CCDC62: variants seen among roughly 807,000 people sequenced by gnomAD.
The protein encoded by CCDC62 is coiled-coil domain-containing protein 62.
A neutral mutation model predicts 80.8 loss-of-function variants in CCDC62; 72 were observed. The observed-to-expected ratio is 0.89, with a 90% confidence interval of 0.74 to 1.08. The LOEUF is 1.08. CCDC62 is among the 50% of genes least tolerant of loss of function. The probability of loss-of-function intolerance (pLI) is 0.00; values close to 1 mark genes in which losing one functional copy is unlikely to be tolerated. For missense variants in CCDC62, 704 were observed against 809.4 expected (o/e 0.87, Z 1.58); for synonymous variants, 286 against 296.5 (o/e 0.96, Z 0.36).
At chr12:122,816,496 C>T (rs1593833776) in intron 11 of CCDC62, among the ~76,000 whole-genome samples, 1 of 152,148 alleles carries the variant, frequency 6.6e-6, no homozygotes, top group Non-Finnish European at 1.5e-5. Flanking sequence ...GAGGCCAAAG[C>T]AGATGGATCA....
intron 2 of CCDC62, among the ~76,000 whole-genome samples, chr12:122,779,592 C>A (rs1201216066): frequency 6.6e-6 from 1 of 152,132 alleles, no homozygotes; most frequent in Non-Finnish European, 1.5e-5. Flanking sequence ...TCTCAAGAAA[C>A]TCTTGAAAAT....
At chr12:122,778,985 G>A (rs539729296) in intron 2 of CCDC62, among the ~76,000 whole-genome samples, 9 of 152,314 alleles carry the variant, frequency 5.9e-5, no homozygotes, top group African/African-American at 1.7e-4. Flanking sequence ...TACACACAGT[G>A]TTTAAAATGG....
intron 11 of CCDC62, among the ~76,000 whole-genome samples, chr12:122,817,780 C>CTG (rs143924355): frequency 2.6e-5 from 4 of 152,034 alleles, no homozygotes; most frequent in South Asian, 4.1e-4. Flanking sequence ...TAGTGTAGCT[C>CTG]TGTGTGTGTG....
In CCDC62 at chr12:122,774,651, C is replaced by CG; in HGVS notation, c.-15dup. 1 of 1,247,952 alleles carries CG rather than the reference C, an allele frequency of 8.0e-7. No homozygotes were observed. Among genetic ancestry groups the CG allele is most frequent in the Non-Finnish European group, 1.0e-6 (1 of 987,150 alleles). 77.3% of individuals were successfully genotyped at this position (1,247,952 alleles called of 1,614,324 possible). A position where few individuals can be genotyped will look rare whatever the true frequency, so the allele number is the denominator to read the frequency against. ...TGACGCCGCCCACACCGGGCTTCTC[C>CG]GGGGGCGGAGGAAACACCTATGAAC... On this transcript the variant is annotated 5_prime_UTR_variant, in exon 1 of 13. Coordinates refer to ENST00000253079, the MANE Select transcript of CCDC62 (RefSeq NM_201435.5).
rs2032421125 is a variant in CCDC62 at position 122,821,992 on chromosome 12, GC to G, written c.2002-1373del. Among the ~76,000 whole-genome samples, 8 of 149,992 alleles carry G rather than the reference GC, an allele frequency of 5.3e-5. 1 individual carries two copies. In the Admixed American group the frequency reaches 5.4e-4, roughly 10 times the overall value. On this transcript the variant is annotated intron_variant, in intron 11 of 12. Coordinates refer to ENST00000253079, the MANE Select transcript of CCDC62 (RefSeq NM_201435.5). ...ACCTGTAATCCTAGCCCTTTGGGAGGCTGAGGCAGGAGGATCACGTGAAGCC... is the reference window on the plus strand; with the variant it reads ...ACCTGTAATCCTAGCCCTTTGGGAGGTGAGGCAGGAGGATCACGTGAAGCC...
intron 2 of CCDC62, 72 bp downstream of exon 2, chr12:122,777,755 A>C: frequency 7.1e-7 from 1 of 1,418,086 alleles, no homozygotes; most frequent in Non-Finnish European, 9.8e-7. Context: ...CATAGGGAAG[A>C]TAGAGAGGAA....
At chr12:122,821,470 G>A (rs184972606) in intron 11 of CCDC62, among the ~76,000 whole-genome samples, 20 of 152,236 alleles carry the variant, frequency 1.3e-4, no homozygotes, top group Admixed American at 1.2e-3. Flanking sequence ...TATTTTCTGA[G>A]ACAGGGTGTC....
intron 11 of CCDC62, 43 bp downstream of exon 11, chr12:122,813,462 A>G: frequency 6.3e-7 from 1 of 1,575,760 alleles, no homozygotes; most frequent in Non-Finnish European, 8.6e-7. Flanking sequence ...TCACATCCAA[A>G]CACACCACTG....
intron 3 of CCDC62, among the ~76,000 whole-genome samples, chr12:122,782,819 T>A (rs1210864184): frequency 6.6e-6 from 1 of 151,502 alleles, no homozygotes; most frequent in Non-Finnish European, 1.5e-5. Context: ...GTAAGACTGG[T>A]TTTTTGAGCC....
At chr12:122,816,433 A>G (rs2032165867) in intron 11 of CCDC62, among the ~76,000 whole-genome samples, 1 of 152,150 alleles carries the variant, frequency 6.6e-6, no homozygotes, top group Non-Finnish European at 1.5e-5. Flanking sequence ...CATTTTTTTA[A>G]TTGAGATATA....
Position 122,801,283 on chromosome 12 carries a change from G to A in CCDC62, c.1137G>A (p.Lys379=). The A allele has an allele frequency of 6.2e-7, 1 of 1,614,140 alleles. No homozygotes were observed. The highest frequency in any genetic ancestry group is 1.1e-5 in the South Asian group (1 of 91,080). Residue 379 remains lysine, a synonymous_variant, in exon 9 of 13, where the codon AAG becomes AAA. Transcript: ENST00000253079. ...GCTCTTGCGATGAATGCAAAGAGAA[G>A]AAACAACAGATCGATACTGTGTTTG... ...DKSSCDECKE[K]KQQIDTVFGE...
Position 122,782,679 on chromosome 12 carries a change from A to G in CCDC62, c.396+1349A>G, listed in dbSNP as rs865878181. Among the ~76,000 whole-genome samples, 27 of 152,028 alleles carry G rather than the reference A, an allele frequency of 1.8e-4. 1 individual carries two copies. In the Middle Eastern group the frequency reaches 0.014, roughly 77 times the overall value. ...CTCCATGTTGGCCAGGCTGGTCTCC[A>G]ACGCCCGACCTCAGGTGATCCGCCC... On this transcript the variant is annotated intron_variant, in intron 3 of 12. Coordinates refer to ENST00000253079, the MANE Select transcript of CCDC62 (RefSeq NM_201435.5).
intron 12 of CCDC62, among the ~76,000 whole-genome samples, chr12:122,824,284 C>T (rs1262192777): frequency 5.3e-5 from 8 of 150,564 alleles, no homozygotes; most frequent in South Asian, 2.1e-4. Flanking sequence ...AGCATGGTGG[C>T]GGGCACCTGT....
intron 11 of CCDC62, among the ~76,000 whole-genome samples, chr12:122,817,435 T>C (rs2656814): frequency 0.11 from 16,620 of 151,614 alleles, 2,128 homozygotes; most frequent in African/African-American, 0.31. Flanking sequence ...AGCGATTCTC[T>C]TGCCTCAGCC....
chr12:122,798,024 T>C, intron 7 of CCDC62, 61 bp from the exon 8 acceptor site: 2 of 815,690 alleles, frequency 2.5e-6, no homozygotes, highest in Non-Finnish European at 4.1e-6. Context: ...AAGTGCCAAA[T>C]TGTTGGTTCA....
rs1593779698 is a variant in CCDC62 at position 122,780,909 on chromosome 12, A to G, written c.230-255A>G. On this transcript the variant is annotated intron_variant, in intron 2 of 12. Coordinates refer to ENST00000253079, the MANE Select transcript of CCDC62 (RefSeq NM_201435.5). ...TGGAAAGCAAGGAAGTGATTACTCT[A>G]AGATCAGGGTCATGGTTGGGAACGC... 2.6e-5 allele frequency among the ~76,000 whole-genome samples: 4 copies of G among 152,276 alleles called. No homozygotes were observed. The Middle Eastern group carries it at 0.01, about 388-fold the overall frequency.
rs771967288 is a variant in CCDC62, at chr12:122,798,201, G to A, written c.977+1G>A. On this transcript the variant is annotated splice_donor_variant, in intron 8 of 12. Coordinates refer to ENST00000253079, the MANE Select transcript of CCDC62 (RefSeq NM_201435.5). LOFTEE classifies it high-confidence loss of function. Reference sequence around the variant, plus strand: ...AGGAATCAAAGGCTCTGGACTCCAGGTAATCTTAGCAAGATGCAATTAATA... The same window carrying A: ...AGGAATCAAAGGCTCTGGACTCCAGATAATCTTAGCAAGATGCAATTAATA... 3 of 1,353,618 alleles carry A rather than the reference G, an allele frequency of 2.2e-6. No homozygotes were observed. The highest frequency in any genetic ancestry group is 1.2e-5 in the South Asian group (1 of 84,706). The allele number at this position is 1,353,618 out of a possible 1,614,324, so 83.9% of individuals were successfully genotyped here. A position where few individuals can be genotyped will look rare whatever the true frequency, so the allele number is the denominator to read the frequency against.
intron 9 of CCDC62, among the ~76,000 whole-genome samples, chr12:122,805,184 C>T (rs1279110999): frequency 3.0e-5 from 3 of 101,270 alleles, no homozygotes; most frequent in East Asian, 3.2e-4. Context: ...CGCAACTGGC[C>T]GGCTTTTTTT....
chr12:122,777,327 A>AT (rs1465859354), intron 1 of CCDC62, 164 bp from the exon 2 acceptor site: 1 of 594,252 alleles, frequency 1.7e-6, no homozygotes, highest in African/African-American at 1.9e-5. Flanking sequence ...TTTAACTTGA[A>AT]CATGTTTTAA....
Sources: allele counts gnomAD v4.1 joint callset (sites outside exome capture counted in the v4.1 genomes callset), GRCh38; gene constraint gnomAD v4.1.1; transcripts MANE v1.5; gene names NCBI Gene and HGNC (gene_info 2026-07-23, HGNC 2026-07-21).